Variants in MBD5 observed in about 807,000 individuals in gnomAD.
MBD5 encodes methyl-CpG binding domain protein 5, also known as methyl-CpG-binding domain protein 5.
Under a neutral mutation model 117.3 loss-of-function variants are expected in MBD5, and 13 were observed. The ratio of observed to expected loss-of-function variants is 0.11; its 90% CI spans 0.07 to 0.18. The LOEUF is 0.18. MBD5 is among the 10% of genes least tolerant of loss of function. MBD5 has a pLI of 1.00. For missense variants in MBD5, 1,879 were observed against 2,093.8 expected, an observed-to-expected ratio of 0.90 and a Z score of 2.00; for synonymous variants, 727 against 766.4, an observed-to-expected ratio of 0.95 and a Z score of 0.85.
chr2:148,216,544 C>T (rs1430486381), intron 2 of MBD5, among the ~76,000 whole-genome samples: 7 of 152,038 alleles, frequency 4.6e-5, no homozygotes, highest in Admixed American at 2.0e-4. Flanking sequence ...AGGTATCTAC[C>T]GTGATATGGG....
At chr2:148,148,471 A>C (rs976427995) in intron 1 of MBD5, among the ~76,000 whole-genome samples, 1 of 152,140 alleles carries the variant, frequency 6.6e-6, no homozygotes, top group Non-Finnish European at 1.5e-5. Context: ...TCTTTGGATT[A>C]TTTTAAGTTT....
At chr2:148,169,287 A>G (rs1698201193) in intron 1 of MBD5, among the ~76,000 whole-genome samples, 1 of 152,000 alleles carries the variant, frequency 6.6e-6, no homozygotes, top group Admixed American at 6.6e-5. Context: ...ATTTTCAAGA[A>G]CTCTATTTTT....
chr2:148,399,084 A>T lies in MBD5; in HGVS notation c.-557+56748A>T, dbSNP rs112069959. ...TGTAATATAGTTTGAAGTCAGGTAG[A>T]GTGATGCCTCCAGCTTTGTTCTTTT... On this transcript the variant is annotated intron_variant, in intron 4 of 13. Coordinates refer to ENST00000642680, the MANE Select transcript of MBD5 (RefSeq NM_001378120.1). Among the ~76,000 whole-genome samples the T allele has an allele frequency of 7.3e-5, 11 of 151,178 alleles. No individual in the cohort carries two copies. In the East Asian group the frequency reaches 1.7e-3, roughly 24 times the overall value.
Position 148,470,139 on chromosome 2 carries a change from C to G in MBD5, c.2196C>G (p.Cys732Trp), listed in dbSNP as rs748328427. ...GCGASNTALP[C>W]SANQLHFTDP... is the part of the protein sequence containing the mutation. ...GGGCCTCAAATACTGCTTTGCCTTG[C>G]TCTGCTAACCAGCTGCATTTTACAG... The change falls in exon 8 of 14, where the codon TGC (cysteine) becomes TGG (tryptophan). Residue 732 changes from cysteine (C) to tryptophan (W), a missense_variant. Transcript: ENST00000642680. The G allele has an allele frequency of 8.1e-6, 13 of 1,613,790 alleles. 1 individual carries two copies. Among genetic ancestry groups the G allele is most frequent in the African/African-American group, 2.7e-5 (2 of 74,908 alleles).
chr2:148,031,946 A>G (rs891991648), intron 1 of MBD5, among the ~76,000 whole-genome samples: 2 of 152,132 alleles, frequency 1.3e-5, no homozygotes, highest in African/African-American at 2.4e-5. Context: ...CATTTTCTTT[A>G]TAAGTTTTGT....
intron 2 of MBD5, among the ~76,000 whole-genome samples, chr2:148,212,923 A>G (rs1342339394): frequency 6.6e-6 from 1 of 152,074 alleles, no homozygotes; most frequent in Non-Finnish European, 1.5e-5. Context: ...GTTTTACCTT[A>G]TTAATAGTTC....
At chr2:148,506,270 A>C (rs1682028205) in intron 12 of MBD5, among the ~76,000 whole-genome samples, 1 of 152,234 alleles carries the variant, frequency 6.6e-6, no homozygotes. Context: ...TTAAAGAAAA[A>C]TTCCACAGCT....
At chr2:148,248,181 G>A (rs1173761574) in intron 3 of MBD5, among the ~76,000 whole-genome samples, 3 of 152,094 alleles carry the variant, frequency 2.0e-5, no homozygotes, top group South Asian at 2.1e-4. Flanking sequence ...CAGTACGGAC[G>A]TCCAAATATC....
Position 148,473,906 on chromosome 2 carries a change from C to G in MBD5, c.2518+3445C>G, listed in dbSNP as rs187046768. Among the ~76,000 whole-genome samples, 6 of 152,248 alleles carry G rather than the reference C, an allele frequency of 3.9e-5. 1 individual carries two copies. The highest frequency in any genetic ancestry group is 1.4e-4 in the African/African-American group (6 of 41,552). The stretch of plus-strand genomic sequence containing the variant: ...AGTTTTCCACTGGCTTTTTCAATAT[C>G]AAATTACAGATAAAGTTTAATATTT... On this transcript the variant is annotated intron_variant, in intron 8 of 13. Transcript: ENST00000642680.
chr2:148,149,273 C>T (rs1697567228), intron 1 of MBD5, among the ~76,000 whole-genome samples: 1 of 136,044 alleles, frequency 7.4e-6, no homozygotes, highest in African/African-American at 2.8e-5. Flanking sequence ...ATGAACTCAT[C>T]ATTTTTTATG....
chr2:148,115,464 A>T lies in MBD5; in HGVS notation c.-924-63236A>T, dbSNP rs1696612347. Among the ~76,000 whole-genome samples the T allele has an allele frequency of 2.0e-5, 3 of 152,170 alleles. No homozygotes were observed. The South Asian group carries it at 6.2e-4, about 32-fold the overall frequency. On this transcript the variant is annotated intron_variant, in intron 1 of 13. Transcript: ENST00000642680. ...CGTTGAGAATTCTGCATTCTCTATT[A>T]ACAAGAAAATGCATGTAAGGTATTT...
At chr2:148,100,867 A>G (rs1696193030) in intron 1 of MBD5, among the ~76,000 whole-genome samples, 1 of 152,068 alleles carries the variant, frequency 6.6e-6, no homozygotes, top group African/African-American at 2.4e-5. Flanking sequence ...TCCCCTCTCA[A>G]TGGGAGGAGT....
intron 1 of MBD5, among the ~76,000 whole-genome samples, chr2:148,048,937 A>G (rs1231802174): frequency 6.6e-6 from 1 of 152,156 alleles, no homozygotes; most frequent in African/African-American, 2.4e-5. Flanking sequence ...TTCTTACATG[A>G]ATTCTTGTGT....
intron 1 of MBD5, among the ~76,000 whole-genome samples, chr2:148,069,098 A>G (rs1695285744): frequency 6.6e-6 from 1 of 152,122 alleles, no homozygotes; most frequent in Admixed American, 6.6e-5. Flanking sequence ...GATACATGAG[A>G]AAAAAAATTC....
At chr2:148,211,793 T>G (rs1290625564) in intron 2 of MBD5, among the ~76,000 whole-genome samples, 4 of 152,194 alleles carry the variant, frequency 2.6e-5, no homozygotes, top group African/African-American at 9.6e-5. Flanking sequence ...TCACCCAGGC[T>G]GGAGGGCAGT....
At chr2:148,188,231 G>T (rs1698717237) in intron 2 of MBD5, among the ~76,000 whole-genome samples, 1 of 152,212 alleles carries the variant, frequency 6.6e-6, no homozygotes, top group South Asian at 2.1e-4. Context: ...AGACATTTCA[G>T]ATATTGTGTC....
intron 3 of MBD5, among the ~76,000 whole-genome samples, chr2:148,251,892 CA>C (rs1428531303): frequency 6.6e-6 from 1 of 152,000 alleles, no homozygotes; most frequent in Non-Finnish European, 1.5e-5. Context: ...GATATCAGCG[CA>C]AAATAATAAT....
At chr2:148,120,655 A>G (rs1696749465) in intron 1 of MBD5, among the ~76,000 whole-genome samples, 1 of 152,216 alleles carries the variant, frequency 6.6e-6, no homozygotes, top group South Asian at 2.1e-4. Context: ...TACTGAACTC[A>G]TTTATTACCT....
chr2:148,328,595 C>G (rs1452128546), intron 3 of MBD5, among the ~76,000 whole-genome samples: 1 of 152,084 alleles, frequency 6.6e-6, no homozygotes, highest in East Asian at 1.9e-4. Flanking sequence ...GTGGGAGTGA[C>G]CCAATTTTCC....
Sources: allele counts gnomAD v4.1 joint callset (sites outside exome capture counted in the v4.1 genomes callset), GRCh38; gene constraint gnomAD v4.1.1; transcripts MANE v1.5; gene names NCBI Gene and HGNC (gene_info 2026-07-23, HGNC 2026-07-21).